The following CSMD1 variants were observed in gnomAD, a reference collection of about 807,000 sequenced individuals.
CSMD1 encodes CUB and sushi domain-containing protein 1.
CSMD1 carries 213 observed loss-of-function variants against 417.5 expected under a neutral mutation model. The observed-to-expected ratio is 0.51, with a 90% CI of 0.46 to 0.57. The LOEUF is 0.57. Ranked by LOEUF, CSMD1 falls within the 20% of genes least tolerant of loss-of-function variation. The probability of loss-of-function intolerance (pLI) is 0.00; values close to 1 mark genes in which losing one functional copy is unlikely to be tolerated. For missense variants in CSMD1, 6,923 were observed against 4,529.7 expected (o/e 1.53, Z -15.17); for synonymous variants, 2,862 against 1,736.8 (o/e 1.65, Z -16.11).
chr8:3,310,501 C>CAAACA (rs974350769), intron 23 of CSMD1, among the ~76,000 whole-genome samples: 32 of 152,266 alleles, frequency 2.1e-4, no homozygotes, highest in African/African-American at 7.5e-4. Flanking sequence ...CTATTAATAA[C>CAAACA]AAACAATCTT....
intron 37 of CSMD1, among the ~76,000 whole-genome samples, chr8:3,173,522 T>G (rs954818213): frequency 6.6e-6 from 1 of 152,140 alleles, no homozygotes; most frequent in Non-Finnish European, 1.5e-5. Context: ...TTTTTTGAAA[T>G]GAATATGTGG....
intron 51 of CSMD1, among the ~76,000 whole-genome samples, chr8:3,024,133 G>C (rs1025282850): frequency 9.5e-6 from 1 of 105,326 alleles, no homozygotes; most frequent in African/African-American, 2.8e-5. Context: ...TCATGGTGTG[G>C]TGTGTGTGTG....
At chr8:3,071,911 C>G (rs1280030591) in intron 49 of CSMD1, among the ~76,000 whole-genome samples, 3 of 152,210 alleles carry the variant, frequency 2.0e-5, no homozygotes, top group Non-Finnish European at 4.4e-5. Flanking sequence ...TCCTGTGCCC[C>G]TCAGTTGATC....
chr8:4,196,269 T>C (rs1279816111), intron 3 of CSMD1, among the ~76,000 whole-genome samples: 3 of 152,276 alleles, frequency 2.0e-5, no homozygotes, highest in East Asian at 3.9e-4. Context: ...AGCCACTCTT[T>C]TGTGGTCATT....
chr8:3,406,309 T>G, intron 14 of CSMD1, 88 bp from the exon 15 acceptor site: 2 of 1,038,996 alleles, frequency 1.9e-6, no homozygotes, highest in Non-Finnish European at 2.8e-6. Context: ...AACAAGCTTA[T>G]AAAGCATTCA....
chr8:4,657,282 A>C (rs114547836), intron 1 of CSMD1, among the ~76,000 whole-genome samples: 1,826 of 152,302 alleles, frequency 0.012, 37 homozygotes, highest in African/African-American at 0.04. Context: ...AGTTGTAAAA[A>C]GCCTGGCGAA....
chr8:3,191,188 C>T (rs569251151), intron 33 of CSMD1, among the ~76,000 whole-genome samples: 2 of 152,302 alleles, frequency 1.3e-5, no homozygotes, highest in East Asian at 1.9e-4. Context: ...GGTGCAGTGG[C>T]GCAAGCCTGT....
chr8:3,815,558 A>G (rs1406434255), intron 5 of CSMD1, among the ~76,000 whole-genome samples: 1 of 151,776 alleles, frequency 6.6e-6, no homozygotes, highest in African/African-American at 2.4e-5. Context: ...TGTGCTTTTG[A>G]AAAAATACTG....
chr8:3,755,600 A>G (rs1382016395), intron 5 of CSMD1, among the ~76,000 whole-genome samples: 1 of 152,170 alleles, frequency 6.6e-6, no homozygotes, highest in Non-Finnish European at 1.5e-5. Flanking sequence ...ATTTCCTACG[A>G]AATGGGTCAC....
At chr8:4,119,029 G>C (rs1025358461) in intron 3 of CSMD1, among the ~76,000 whole-genome samples, 5 of 152,142 alleles carry the variant, frequency 3.3e-5, no homozygotes, top group Non-Finnish European at 7.3e-5. Flanking sequence ...CTCATAAGTG[G>C]GAGTTGAATA....
intron 20 of CSMD1, among the ~76,000 whole-genome samples, chr8:3,365,935 G>T (rs977181898): frequency 1.7e-4 from 26 of 152,308 alleles, no homozygotes; most frequent in African/African-American, 6.3e-4. Flanking sequence ...AGTGGGGCAA[G>T]CAAACTTTCT....
intron 42 of CSMD1, among the ~76,000 whole-genome samples, chr8:3,115,561 C>T (rs530081789): frequency 1.3e-5 from 2 of 152,202 alleles, no homozygotes; most frequent in South Asian, 4.1e-4. Flanking sequence ...ATGTTACTGA[C>T]AGAAAAATAA....
chr8:3,688,145 T>A (rs963455456), intron 7 of CSMD1, among the ~76,000 whole-genome samples: 1 of 152,198 alleles, frequency 6.6e-6, no homozygotes, highest in African/African-American at 2.4e-5. Flanking sequence ...ATACCTTATA[T>A]TTAGACACAA....
intron 7 of CSMD1, among the ~76,000 whole-genome samples, chr8:3,664,647 G>C (rs1409900755): frequency 6.6e-6 from 1 of 152,204 alleles, no homozygotes; most frequent in African/African-American, 2.4e-5. Context: ...GCCAAGATCA[G>C]GAGCATCTTT....
chr8:4,004,946 G>A (rs566899218), intron 4 of CSMD1, among the ~76,000 whole-genome samples: 9 of 152,024 alleles, frequency 5.9e-5, no homozygotes, highest in African/African-American at 2.4e-5. Flanking sequence ...GGGTTTCACC[G>A]TGTTAGCCAG....
chr8:4,025,456 G>T (rs550480594), intron 4 of CSMD1, among the ~76,000 whole-genome samples: 1 of 152,120 alleles, frequency 6.6e-6, no homozygotes, highest in Non-Finnish European at 1.5e-5. Flanking sequence ...ATAAAGTATG[G>T]GAAACATAAA....
rs557635435 is a variant in CSMD1 at position 4,137,906 on chromosome 8, C to T, written c.416-105807G>A. ...TTTATTTATTTACTTGAGATGAAGT[C>T]TCGCTCTGTCGCCCAGGTTGGAGTG... On this transcript the variant is annotated intron_variant, in intron 3 of 69. Coordinates refer to ENST00000635120, the MANE Select transcript of CSMD1 (RefSeq NM_033225.6). Among the ~76,000 whole-genome samples, 6 of 151,760 alleles carry T rather than the reference C, an allele frequency of 4.0e-5. No individual in the cohort carries two copies. In the East Asian group the frequency reaches 1.2e-3, roughly 29 times the overall value.
chr8:3,501,261 C>A (rs1170519501), intron 10 of CSMD1, among the ~76,000 whole-genome samples: 2 of 152,100 alleles, frequency 1.3e-5, no homozygotes, highest in African/African-American at 2.4e-5. Flanking sequence ...CACACAGGCA[C>A]AGAAACACAC....
chr8:3,073,563 T>C (rs1714004475), intron 49 of CSMD1, among the ~76,000 whole-genome samples: 1 of 152,148 alleles, frequency 6.6e-6, no homozygotes, highest in African/African-American at 2.4e-5. Flanking sequence ...ATTCAAACTT[T>C]AGAAAAATAA....
Sources: gnomAD v4.1 joint callset for allele counts (sites outside exome capture counted in the v4.1 genomes callset) on GRCh38, gnomAD v4.1.1 for gene constraint, MANE v1.5 for transcripts, NCBI Gene and HGNC (gene_info 2026-07-23, HGNC 2026-07-21) for gene names.